Variants in LIPI observed in about 807,000 individuals in gnomAD.
LIPI encodes lipase I, also known as lipase member I.
LIPI carries 59 observed loss-of-function variants against 50.6 expected under a neutral mutation model. That is an observed-to-expected ratio of 1.16 (90% CI 0.94 to 1.45). LIPI has a LOEUF of 1.45. Ranked by LOEUF, LIPI falls within the 40% of genes most tolerant of loss-of-function variation. LIPI has a pLI of 0.00. For synonymous variants in LIPI, 203 were observed against 178.2 expected, an observed-to-expected ratio of 1.14 and a Z score of -1.11; for missense variants, 586 against 536.3, an observed-to-expected ratio of 1.09 and a Z score of -0.92.
At chr21:14,191,126 C>G (rs145684521) in intron 1 of LIPI, among the ~76,000 whole-genome samples, 82 of 152,044 alleles carry the variant, frequency 5.4e-4, no homozygotes, top group Admixed American at 1.4e-3. Flanking sequence ...TGCCTGTAAT[C>G]CCAGCTACTC....
Position 14,185,980 on chromosome 21 carries a change from AC to A in LIPI, c.521del (p.Gly174ValfsTer6). The A allele has an allele frequency of 6.4e-7, 1 of 1,559,224 alleles. No homozygotes were observed. The highest frequency in any genetic ancestry group is 8.8e-7 in the Non-Finnish European group (1 of 1,130,558). ...ISGFVGKIFH[G>X]QLGRITGLDP... is the part of the protein sequence containing the mutation. Reference sequence around the variant, plus strand: ...TTTTACCTGTTATTCTTCCAAGTTGACCATGAAATATCTTTCCAACAAATCC... The same window carrying A: ...TTTTACCTGTTATTCTTCCAAGTTGACATGAAATATCTTTCCAACAAATCC... On this transcript the variant is annotated frameshift_variant, in exon 3 of 10. Coordinates refer to ENST00000681601, the MANE Select transcript of LIPI (RefSeq NM_001302998.2). LOFTEE classifies it high-confidence loss of function.
intron 1 of LIPI, among the ~76,000 whole-genome samples, chr21:14,197,850 AAT>A (rs199820770): frequency 1.3e-5 from 2 of 151,100 alleles, no homozygotes; most frequent in East Asian, 2.1e-4. Context: ...GAAAAAAAAA[AAT>A]GTTAAAGGCA....
chr21:14,201,256 C>T (rs570395466), intron 1 of LIPI, among the ~76,000 whole-genome samples: 17 of 152,184 alleles, frequency 1.1e-4, no homozygotes, highest in Non-Finnish European at 2.4e-4. Flanking sequence ...CAAAAATTAA[C>T]AAGTGGGATC....
chr21:14,201,087 T>C (rs2020036393), intron 1 of LIPI, among the ~76,000 whole-genome samples: 1 of 152,112 alleles, frequency 6.6e-6, no homozygotes, highest in Admixed American at 6.6e-5. Context: ...ACTCCTTCCT[T>C]ACATCATATA....
chr21:14,208,782 T>G (rs1240319860), intron 1 of LIPI, among the ~76,000 whole-genome samples: 1 of 152,238 alleles, frequency 6.6e-6, no homozygotes, highest in Non-Finnish European at 1.5e-5. Context: ...GCTGGCTCAG[T>G]GGCTCATGCC....
At chr21:14,164,960 A>G (rs1401708533) in intron 6 of LIPI, among the ~76,000 whole-genome samples, 2 of 152,212 alleles carry the variant, frequency 1.3e-5, no homozygotes, top group Non-Finnish European at 2.9e-5. Flanking sequence ...AGGAACAAGA[A>G]TCATTATAAA....
At chr21:14,209,004 A>G (rs1258517512) in intron 1 of LIPI, among the ~76,000 whole-genome samples, 1 of 152,138 alleles carries the variant, frequency 6.6e-6, no homozygotes, top group East Asian at 1.9e-4. Flanking sequence ...TGAGCCATGA[A>G]CTTCACACTG....
intron 4 of LIPI, among the ~76,000 whole-genome samples, chr21:14,171,023 G>A (rs201580787): frequency 6.6e-6 from 1 of 150,606 alleles, no homozygotes; most frequent in African/African-American, 2.4e-5. Context: ...AAAGTCTCAG[G>A]ATACAAAATC....
intron 7 of LIPI, among the ~76,000 whole-genome samples, chr21:14,153,692 G>A (rs1466509260): frequency 1.3e-5 from 2 of 152,102 alleles, no homozygotes; most frequent in African/African-American, 2.4e-5. Context: ...GAAGATGGAG[G>A]CTGAAGTGTC....
At chr21:14,185,228 T>C (rs1025321933) in intron 3 of LIPI, among the ~76,000 whole-genome samples, 2 of 152,180 alleles carry the variant, frequency 1.3e-5, no homozygotes, top group Non-Finnish European at 2.9e-5. Context: ...GTCCCTCAAA[T>C]TGGATGCAAC....
At chr21:14,111,872 AG>A (rs1366382034) in intron 9 of LIPI, among the ~76,000 whole-genome samples, 2 of 151,948 alleles carry the variant, frequency 1.3e-5, no homozygotes, top group African/African-American at 4.8e-5. Context: ...AAATAGATTC[AG>A]GGGGTACATG....
intron 1 of LIPI, among the ~76,000 whole-genome samples, chr21:14,210,323 T>C (rs576920845): frequency 1.6e-4 from 25 of 152,156 alleles, no homozygotes; most frequent in Non-Finnish European, 2.8e-4. Flanking sequence ...TTGTTTTTCG[T>C]CATACTGAAT....
chr21:14,109,224 G>A lies in LIPI; in HGVS notation c.1296-144C>T, dbSNP rs971770944. 1.0e-5 allele frequency: 7 copies of A among 676,188 alleles called. No homozygotes were observed. The African/African-American group carries it at 1.1e-4, about 10-fold the overall frequency. 41.9% of individuals were successfully genotyped at this position (676,188 alleles called of 1,614,324 possible). A position where few individuals can be genotyped will look rare whatever the true frequency, so the allele number is the denominator to read the frequency against. ...TGTAGGGAGTTGGAACAAATATATG[G>A]GATCATTTCCATTCTATCTCATTTG... On this transcript the variant is annotated intron_variant, in intron 9 of 9. Coordinates refer to ENST00000681601, the MANE Select transcript of LIPI (RefSeq NM_001302998.2).
chr21:14,197,147 A>G (rs367821310), intron 1 of LIPI, among the ~76,000 whole-genome samples: 1 of 151,684 alleles, frequency 6.6e-6, no homozygotes, highest in East Asian at 1.9e-4. Context: ...GAACAAAAAA[A>G]TAATTTATAC....
intron 9 of LIPI, among the ~76,000 whole-genome samples, chr21:14,138,447 A>G (rs1466938309): frequency 6.6e-6 from 1 of 151,966 alleles, no homozygotes; most frequent in African/African-American, 2.4e-5. Context: ...ACTAAATCCA[A>G]TTAAGCTGAA....
At chr21:14,146,702 A>G (rs1188342164) in intron 8 of LIPI, among the ~76,000 whole-genome samples, 1 of 150,316 alleles carries the variant, frequency 6.7e-6, no homozygotes, top group Non-Finnish European at 1.5e-5. Context: ...ATGGCCTATG[A>G]GTTCTAATTT....
chr21:14,181,623 T>A, intron 4 of LIPI, 135 bp downstream of exon 4: 1 of 632,696 alleles, frequency 1.6e-6, no homozygotes, highest in Non-Finnish European at 2.9e-6. Context: ...GCTTGGGAAA[T>A]ATTATCATTC....
chr21:14,138,765 T>A (rs2017599580), intron 9 of LIPI, among the ~76,000 whole-genome samples: 2 of 152,268 alleles, frequency 1.3e-5, no homozygotes, highest in East Asian at 3.9e-4. Context: ...TTTTTAGCAT[T>A]GTTAATCAAA....
chr21:14,137,696 A>T (rs960479047), intron 9 of LIPI, among the ~76,000 whole-genome samples: 6 of 152,192 alleles, frequency 3.9e-5, no homozygotes, highest in African/African-American at 1.4e-4. Context: ...CTGATCCAAG[A>T]TAATAACAAA....
Sources: gnomAD v4.1 joint callset for allele counts (sites outside exome capture counted in the v4.1 genomes callset) on GRCh38, gnomAD v4.1.1 for gene constraint, MANE v1.5 for transcripts, NCBI Gene and HGNC (gene_info 2026-07-23, HGNC 2026-07-21) for gene names.